LRP1B: variants seen among roughly 807,000 people sequenced by gnomAD.
LRP1B encodes the protein LDL receptor related protein 1B.
LRP1B carries 217 observed loss-of-function variants against 556.6 expected under a neutral mutation model. That is an observed-to-expected ratio of 0.39 (90% CI 0.35 to 0.44). The LOEUF is 0.44. Ranked by LOEUF, LRP1B falls within the 20% of genes least tolerant of loss-of-function variation. LRP1B has a pLI of 1.00. For synonymous variants in LRP1B, 2,047 were observed against 1,865.8 expected, an observed-to-expected ratio of 1.10 and a Z score of -2.50; for missense variants, 5,053 against 5,620.8, an observed-to-expected ratio of 0.90 and a Z score of 3.23.
At chr2:140,788,812 ATTGAGT>A (rs1690003265) in intron 32 of LRP1B, among the ~76,000 whole-genome samples, 1 of 152,166 alleles carries the variant, frequency 6.6e-6, no homozygotes, top group African/African-American at 2.4e-5. Context: ...GTATTTGGAG[ATTGAGT>A]CTTAAAAGAG....
intron 3 of LRP1B, among the ~76,000 whole-genome samples, chr2:141,416,116 A>G (rs1691091156): frequency 1.3e-5 from 2 of 152,134 alleles, no homozygotes; most frequent in African/African-American, 4.8e-5. Flanking sequence ...CAATTATCCA[A>G]TCCATTTGAT....
At chr2:140,751,287 A>G (rs1688571801) in intron 35 of LRP1B, among the ~76,000 whole-genome samples, 1 of 150,432 alleles carries the variant, frequency 6.6e-6, no homozygotes. Flanking sequence ...GCCACCACGC[A>G]TGGCCTCAGT....
intron 56 of LRP1B, 83 bp downstream of exon 56, chr2:140,495,482 G>A (rs1259459684): frequency 1.6e-6 from 2 of 1,273,202 alleles, no homozygotes; most frequent in East Asian, 2.3e-5. Context: ...TCAAGGAGGA[G>A]TGAATTCAAT....
intron 49 of LRP1B, among the ~76,000 whole-genome samples, chr2:140,518,629 TCCC>T (rs1690019768): frequency 6.6e-6 from 1 of 152,192 alleles, no homozygotes; most frequent in African/African-American, 2.4e-5. Flanking sequence ...TTTGTAGTTC[TCCC>T]TGAAGAGGTC....
chr2:141,632,952 C>T (rs757181815), intron 2 of LRP1B, among the ~76,000 whole-genome samples: 31 of 151,334 alleles, frequency 2.0e-4, no homozygotes, highest in Non-Finnish European at 3.1e-4. Context: ...AGGATTATAG[C>T]CTAAACTATT....
chr2:140,836,231 A>T (rs1026826416), intron 31 of LRP1B, among the ~76,000 whole-genome samples: 11 of 152,194 alleles, frequency 7.2e-5, no homozygotes, highest in Non-Finnish European at 1.3e-4. Context: ...CTTTAATTCT[A>T]AAAATAACCA....
chr2:141,279,221 C>A (rs1447197893), intron 3 of LRP1B, among the ~76,000 whole-genome samples: 1 of 151,776 alleles, frequency 6.6e-6, no homozygotes, highest in Admixed American at 6.6e-5. Flanking sequence ...GATTATGCAC[C>A]TAATTTTTTA....
intron 1 of LRP1B, among the ~76,000 whole-genome samples, chr2:141,971,963 C>T (rs1365652038): frequency 1.3e-5 from 2 of 151,416 alleles, no homozygotes; most frequent in African/African-American, 2.4e-5. Context: ...TCACTAGTCT[C>T]TTTTCATTTT....
intron 75 of LRP1B, 31 bp from the exon 76 acceptor site, chr2:140,353,103 C>A: frequency 6.2e-7 from 1 of 1,610,138 alleles, no homozygotes; most frequent in Non-Finnish European, 8.5e-7. Context: ...ATAGCATCAT[C>A]ATACCCTCAA....
chr2:140,264,713 TG>T, intron 86 of LRP1B, among the ~76,000 whole-genome samples: 1 of 59,298 alleles, frequency 1.7e-5, no homozygotes, highest in Non-Finnish European at 3.1e-5. Context: ...TGTGTGTGTG[TG>T]TGTGTGTGTG....
chr2:142,002,281 T>C (rs1702677831), intron 1 of LRP1B, among the ~76,000 whole-genome samples: 4 of 152,252 alleles, frequency 2.6e-5, no homozygotes, highest in South Asian at 2.1e-4. Context: ...ATCATGTTAA[T>C]TGCAATATCA....
intron 2 of LRP1B, among the ~76,000 whole-genome samples, chr2:141,527,275 T>C (rs1666005096): frequency 6.6e-6 from 1 of 152,128 alleles, no homozygotes; most frequent in Admixed American, 6.6e-5. Context: ...TCTGGTCTTC[T>C]TACAAGGAAT....
intron 2 of LRP1B, among the ~76,000 whole-genome samples, chr2:141,800,083 A>G (rs1695959757): frequency 6.6e-6 from 1 of 152,192 alleles, no homozygotes; most frequent in African/African-American, 2.4e-5. Flanking sequence ...TATTCCCAAT[A>G]TCAACCACAG....
chr2:140,408,890 G>C (rs1391798757), intron 66 of LRP1B, among the ~76,000 whole-genome samples: 1 of 151,928 alleles, frequency 6.6e-6, no homozygotes, highest in East Asian at 1.9e-4. Flanking sequence ...GCTGAGTAGA[G>C]TATGAACATA....
chr2:141,136,032 T>A lies in LRP1B; in HGVS notation c.1013+52389A>T, dbSNP rs116089735. On this transcript the variant is annotated intron_variant, in intron 7 of 90. Coordinates refer to ENST00000389484, the MANE Select transcript of LRP1B (RefSeq NM_018557.3). ...ATAATGGAGAGTGGACTATATTAATTGTTACTGATAAATAGAAAGTTAAGA... is the reference window on the plus strand; with the variant it reads ...ATAATGGAGAGTGGACTATATTAATAGTTACTGATAAATAGAAAGTTAAGA... Among the ~76,000 whole-genome samples, 790 of 152,032 alleles carry A rather than the reference T, an allele frequency of 5.2e-3. 9 individuals carry two copies. Among genetic ancestry groups the A allele is most frequent in the African/African-American group, 0.017 (721 of 41,528 alleles).
intron 1 of LRP1B, among the ~76,000 whole-genome samples, chr2:141,948,507 G>A (rs1299025080): frequency 6.6e-6 from 1 of 151,832 alleles, no homozygotes; most frequent in Non-Finnish European, 1.5e-5. Context: ...AGCTTGCAAA[G>A]CATACCTTTT....
chr2:141,067,161 C>A, intron 7 of LRP1B, among the ~76,000 whole-genome samples: 1 of 151,724 alleles, frequency 6.6e-6, no homozygotes, highest in Non-Finnish European at 1.5e-5. Context: ...AAGTAATTTT[C>A]CACATTATAT....
In LRP1B at chr2:141,686,360, T is replaced by C. The variant is rs765159504; in HGVS notation, c.205+123919A>G. Among the ~76,000 whole-genome samples, 110 of 152,024 alleles carry C rather than the reference T, an allele frequency of 7.2e-4. 1 individual carries two copies. The highest frequency in any genetic ancestry group is 1.2e-3 in the Non-Finnish European group (82 of 67,980). Reference sequence around the variant, plus strand: ...ATAAATGTTTGGGTCAGTCTAATGTTAATAATTATGATTAGACATGTTGAA... The same window carrying C: ...ATAAATGTTTGGGTCAGTCTAATGTCAATAATTATGATTAGACATGTTGAA... On this transcript the variant is annotated intron_variant, in intron 2 of 90. Coordinates refer to ENST00000389484, the MANE Select transcript of LRP1B (RefSeq NM_018557.3).
intron 43 of LRP1B, among the ~76,000 whole-genome samples, chr2:140,570,199 G>T (rs1031165438): frequency 6.6e-6 from 1 of 150,514 alleles, no homozygotes; most frequent in African/African-American, 2.4e-5. Flanking sequence ...AGAAATAAAT[G>T]AAATTGAAAA....
Sources: gnomAD v4.1 joint callset for allele counts (sites outside exome capture counted in the v4.1 genomes callset) on GRCh38, gnomAD v4.1.1 for gene constraint, MANE v1.5 for transcripts, NCBI Gene and HGNC (gene_info 2026-07-23, HGNC 2026-07-21) for gene names.